MRPL42: variants seen among roughly 807,000 people sequenced by gnomAD.
MRPL42 encodes mitochondrial ribosomal protein L42.
Under a neutral mutation model 17.9 loss-of-function variants are expected in MRPL42, and 17 were observed. The ratio of observed to expected loss-of-function variants is 0.95; its 90% CI spans 0.65 to 1.42. The LOEUF (loss-of-function observed/expected upper bound fraction) is 1.42, where lower values mean the gene tolerates loss of function less well. MRPL42 is among the 40% of genes most tolerant of loss of function. The probability of loss-of-function intolerance (pLI) is 0.00; values close to 1 mark genes in which losing one functional copy is unlikely to be tolerated. For missense variants in MRPL42, 177 were observed against 175.2 expected, an observed-to-expected ratio of 1.01 and a Z score of -0.06; for synonymous variants, 59 against 54.4, an observed-to-expected ratio of 1.08 and a Z score of -0.37.
chr12:93,473,677 C>T (rs186997583), intron 2 of MRPL42, among the ~76,000 whole-genome samples: 1 of 151,908 alleles, frequency 6.6e-6, no homozygotes, highest in Admixed American at 6.6e-5. Context: ...GTGATCTACC[C>T]ACCTCAGCCT....
At chr12:93,471,944 C>T (rs776046772) in intron 2 of MRPL42, among the ~76,000 whole-genome samples, 1 of 152,164 alleles carries the variant, frequency 6.6e-6, no homozygotes, top group South Asian at 2.1e-4. Context: ...TTTACATAGA[C>T]TATGTTTTGA....
At chr12:93,497,693 ACTC>A (rs1953530136) in intron 5 of MRPL42, among the ~76,000 whole-genome samples, 1 of 150,638 alleles carries the variant, frequency 6.6e-6, no homozygotes, top group Non-Finnish European at 1.5e-5. Flanking sequence ...CACTCACACT[ACTC>A]CTATTCAACA....
rs1179141439 is a variant in MRPL42, at chr12:93,510,790, T to A, written c.*9569T>A. The A allele has an allele frequency of 1.3e-5, 2 of 152,256 alleles. No individual in the cohort carries two copies. Among genetic ancestry groups the A allele is most frequent in the Non-Finnish European group, 2.9e-5 (2 of 68,048 alleles). 9.4% of individuals were successfully genotyped at this position (152,256 alleles called of 1,614,324 possible). A position where few individuals can be genotyped will look rare whatever the true frequency, so the allele number is the denominator to read the frequency against. On this transcript the variant is annotated 3_prime_UTR_variant, in exon 6 of 6. Transcript: ENST00000549982. ...TTTTTTCTTCTTATGATTGAAGTTA[T>A]AATATTTCTTTAAATATTTTGGATA...
At chr12:93,476,871 G>T in intron 2 of MRPL42, 83 bp from the exon 3 acceptor site, 1 of 1,277,016 alleles carries the variant, frequency 7.8e-7, no homozygotes, top group Non-Finnish European at 1.1e-6. Context: ...AATGTTGGTT[G>T]AATGAGTAAA....
chr12:93,481,068 G>T (rs942800075), intron 4 of MRPL42, among the ~76,000 whole-genome samples: 1 of 152,068 alleles, frequency 6.6e-6, no homozygotes, highest in Non-Finnish European at 1.5e-5. Context: ...CGGTTTATTT[G>T]CTGTGTTTTA....
intron 2 of MRPL42, among the ~76,000 whole-genome samples, chr12:93,476,251 A>G (rs1412024417): frequency 6.6e-6 from 1 of 152,056 alleles, no homozygotes; most frequent in East Asian, 1.9e-4. Context: ...CAATAGCATG[A>G]TCTCAGCTCA....
In MRPL42 at chr12:93,477,113, C is replaced by G. The variant is rs565633051; in HGVS notation, c.134+96C>G. The G allele has an allele frequency of 1.2e-4, 109 of 879,864 alleles. 1 individual carries two copies. The South Asian group carries it at 1.8e-3, about 15-fold the overall frequency. 54.5% of individuals were successfully genotyped at this position (879,864 alleles called of 1,614,324 possible). The stretch of plus-strand genomic sequence containing the variant: ...GTTTTGATGTCTGATGCTTTCTTTT[C>G]TCATTATTCTTTCCTTAATTTTGTT... On this transcript the variant is annotated intron_variant, in intron 3 of 5. Transcript: ENST00000549982.
chr12:93,470,638 C>G, intron 2 of MRPL42: 4 of 998,690 alleles, frequency 4.0e-6, no homozygotes, highest in Non-Finnish European at 5.2e-6. Context: ...TTTTGAGTCC[C>G]CAGTGTTTAT....
At chr12:93,499,819 C>CA (rs1953558031) in intron 5 of MRPL42, among the ~76,000 whole-genome samples, 1 of 151,862 alleles carries the variant, frequency 6.6e-6, no homozygotes, top group South Asian at 2.1e-4. Flanking sequence ...AAACCTGAAG[C>CA]AAAAAAATGC....
In MRPL42 at chr12:93,502,490, C is replaced by A. The variant is rs1035789428; in HGVS notation, c.*1269C>A. Reference sequence around the variant, plus strand: ...TGATCTAGTTATTTTAATAAAGGAACTCTAGAAGTTTCAAGTGGCCAGTGA... The same window carrying A: ...TGATCTAGTTATTTTAATAAAGGAAATCTAGAAGTTTCAAGTGGCCAGTGA... On this transcript the variant is annotated 3_prime_UTR_variant, in exon 6 of 6. Coordinates refer to ENST00000549982, the MANE Select transcript of MRPL42 (RefSeq NM_014050.4). The A allele has an allele frequency of 3.9e-5, 6 of 151,962 alleles. No homozygotes were observed. The highest frequency in any genetic ancestry group is 1.5e-4 in the African/African-American group (6 of 41,362). The allele number at this position is 151,962 out of a possible 1,614,324, so 9.4% of individuals were successfully genotyped here.
In MRPL42 at chr12:93,506,946, G is replaced by A. The variant is rs75511584; in HGVS notation, c.*5725G>A. Reference sequence around the variant, plus strand: ...TAAAGCTGAAAGACATCTTAAAGATGATTTTTGGGGACTGATTTGGAAACA... The same window carrying A: ...TAAAGCTGAAAGACATCTTAAAGATAATTTTTGGGGACTGATTTGGAAACA... On this transcript the variant is annotated 3_prime_UTR_variant, in exon 6 of 6. Coordinates refer to ENST00000549982, the MANE Select transcript of MRPL42 (RefSeq NM_014050.4). The A allele has an allele frequency of 2.6e-5, 4 of 152,144 alleles. No individual in the cohort carries two copies. The highest frequency in any genetic ancestry group is 2.6e-4 in the Admixed American group (4 of 15,286). The allele number at this position is 152,144 out of a possible 1,614,324, so 9.4% of individuals were successfully genotyped here.
chr12:93,494,932 C>CTG (rs1953469368), intron 5 of MRPL42, among the ~76,000 whole-genome samples: 1 of 151,824 alleles, frequency 6.6e-6, no homozygotes, highest in Non-Finnish European at 1.5e-5. Context: ...ATCAGGAACT[C>CTG]TAGAGATATA....
intron 4 of MRPL42, among the ~76,000 whole-genome samples, chr12:93,485,888 C>T (rs755520293): frequency 1.3e-5 from 2 of 152,168 alleles, no homozygotes; most frequent in African/African-American, 4.8e-5. Context: ...CTCACTGCAG[C>T]CTTGAACTCC....
intron 5 of MRPL42, among the ~76,000 whole-genome samples, chr12:93,492,499 T>A (rs1034885841): frequency 3.9e-5 from 6 of 152,158 alleles, no homozygotes; most frequent in African/African-American, 1.4e-4. Context: ...TGATTTAAGT[T>A]CCTTACAGAT....
At chr12:93,479,876 T>G (rs79983208) in intron 4 of MRPL42, among the ~76,000 whole-genome samples, 1 of 149,240 alleles carries the variant, frequency 6.7e-6, no homozygotes. Context: ...TCTGACAGTT[T>G]TTTTTTTTTT....
At chr12:93,483,348 C>T (rs777957019) in intron 4 of MRPL42, among the ~76,000 whole-genome samples, 3 of 152,140 alleles carry the variant, frequency 2.0e-5, no homozygotes, top group Admixed American at 1.3e-4. Context: ...TTCATTGTTA[C>T]GTGAACATCA....
chr12:93,502,893 T>C lies in MRPL42; in HGVS notation c.*1672T>C, dbSNP rs1171390254. 1 of 152,244 alleles carries C rather than the reference T, an allele frequency of 6.6e-6. No individual in the cohort carries two copies. The highest frequency in any genetic ancestry group is 2.4e-5 in the African/African-American group (1 of 41,464). The allele number at this position is 152,244 out of a possible 1,614,324, so 9.4% of individuals were successfully genotyped here. A position where few individuals can be genotyped will look rare whatever the true frequency, so the allele number is the denominator to read the frequency against. ...AGTGCTTTGGAGAATTAACTTTGAC[T>C]TTATTCTACTGGAAGTATAGATTAA... On this transcript the variant is annotated 3_prime_UTR_variant, in exon 6 of 6. Coordinates refer to ENST00000549982, the MANE Select transcript of MRPL42 (RefSeq NM_014050.4).
At chr12:93,474,068 AGT>A (rs1880039479) in intron 2 of MRPL42, among the ~76,000 whole-genome samples, 1 of 152,162 alleles carries the variant, frequency 6.6e-6, no homozygotes, top group African/African-American at 2.4e-5. Flanking sequence ...GAATGTGATA[AGT>A]GTGTCATGAG....
chr12:93,476,352 G>A (rs1880176314), intron 2 of MRPL42, among the ~76,000 whole-genome samples: 1 of 152,052 alleles, frequency 6.6e-6, no homozygotes, highest in Non-Finnish European at 1.5e-5. Context: ...ATTTTTAGTA[G>A]AGACAAAGTT....
Sources: gnomAD v4.1 joint callset for allele counts (sites outside exome capture counted in the v4.1 genomes callset) on GRCh38, gnomAD v4.1.1 for gene constraint, MANE v1.5 for transcripts, NCBI Gene and HGNC (gene_info 2026-07-23, HGNC 2026-07-21) for gene names.